The following RNF144B variants were observed in gnomAD, a reference collection of about 807,000 sequenced individuals.
RNF144B encodes the protein ring finger protein 144B.
Under a neutral mutation model 40.2 loss-of-function variants are expected in RNF144B, and 25 were observed. That is an observed-to-expected ratio of 0.62 (90% CI 0.45 to 0.87). RNF144B has a LOEUF of 0.87. RNF144B is among the 40% of genes least tolerant of loss of function. RNF144B has a pLI of 0.00. For synonymous variants in RNF144B, 145 were observed against 136.3 expected, an observed-to-expected ratio of 1.06 and a Z score of -0.44; for missense variants, 365 against 373.7, an observed-to-expected ratio of 0.98 and a Z score of 0.19.
rs886759811 is a variant in RNF144B at position 18,443,508 on chromosome 6, A to T, written c.331+3764A>T. 6.6e-6 allele frequency among the ~76,000 whole-genome samples: 1 copy of T among 151,814 alleles called. No homozygotes were observed. The highest frequency in any genetic ancestry group is 6.6e-5 in the Admixed American group (1 of 15,212). The stretch of plus-strand genomic sequence containing the variant: ...AGTCCTAACCTCAAGTGATCCACCC[A>T]CCTCGGCCTCCCAAAGTTCTGGGAT... On this transcript the variant is annotated intron_variant, in intron 4 of 7. Coordinates refer to ENST00000259939, the MANE Select transcript of RNF144B (RefSeq NM_182757.4). This position sits in a 1 kb window ranked among gnomAD's most constrained non-coding sequence, Gnocchi z 4.7.
chr6:18,389,063 T>C (rs1317991849), intron 1 of RNF144B, among the ~76,000 whole-genome samples: 2 of 152,198 alleles, frequency 1.3e-5, no homozygotes, highest in East Asian at 3.9e-4. Context: ...ACTACTGTGC[T>C]GGAAGTCGGG....
At position 18,457,939 on chromosome 6, in the gene RNF144B, T is replaced by G. The variant is rs1759367562; in HGVS notation, c.536+580T>G. 6.6e-6 allele frequency among the ~76,000 whole-genome samples: 1 copy of G among 151,994 alleles called. No individual in the cohort carries two copies. The highest frequency in any genetic ancestry group is 6.6e-5 in the Admixed American group (1 of 15,260). On this transcript the variant is annotated intron_variant, in intron 5 of 7. Coordinates refer to ENST00000259939, the MANE Select transcript of RNF144B (RefSeq NM_182757.4). The surrounding 1 kb of genome is among the most constrained non-coding windows in gnomAD (Gnocchi z 5.1). ...CTTTTTAGTACAGCGGGTTTTTTTT[T>G]GTTTTGTTTTGTTTTTGAGACAGAG...
intron 2 of RNF144B, among the ~76,000 whole-genome samples, chr6:18,413,312 C>T (rs1795083857): frequency 6.6e-6 from 1 of 152,176 alleles, no homozygotes; most frequent in African/African-American, 2.4e-5. Flanking sequence ...GCAAAATTGA[C>T]AACTGGCTAC....
chr6:18,430,712 G>A (rs773911787), intron 3 of RNF144B, among the ~76,000 whole-genome samples: 32 of 151,188 alleles, frequency 2.1e-4, no homozygotes, highest in Non-Finnish European at 4.0e-4. Flanking sequence ...CTGGGCTCAA[G>A]CAATCCTACT....
intron 2 of RNF144B, among the ~76,000 whole-genome samples, chr6:18,420,368 C>T (rs371255509): frequency 2.8e-4 from 43 of 152,188 alleles, no homozygotes; most frequent in African/African-American, 1.0e-3. Context: ...TTCCAGCTCT[C>T]AGAGAAGCCT....
At position 18,467,526 on chromosome 6, in the gene RNF144B, G is replaced by A. The variant is rs1319236277; in HGVS notation, c.*2459G>A. 1.4e-5 allele frequency: 2 copies of A among 148,102 alleles called. No individual in the cohort carries two copies. The highest frequency in any genetic ancestry group is 3.0e-5 in the Non-Finnish European group (2 of 67,504). The allele number at this position is 148,102 out of a possible 1,614,324, so 9.2% of individuals were successfully genotyped here. A position where few individuals can be genotyped will look rare whatever the true frequency, so the allele number is the denominator to read the frequency against. On this transcript the variant is annotated 3_prime_UTR_variant, in exon 8 of 8. Coordinates refer to ENST00000259939, the MANE Select transcript of RNF144B (RefSeq NM_182757.4). ...TGAAAAATGGTAAATTCTTAAATGTGTGTGAGATTGTCAGAATCAACAAAA... is the reference window on the plus strand; with the variant it reads ...TGAAAAATGGTAAATTCTTAAATGTATGTGAGATTGTCAGAATCAACAAAA...
At position 18,415,794 on chromosome 6, in the gene RNF144B, G is replaced by A. The variant is rs556515681; in HGVS notation, c.166-11787G>A. Among the ~76,000 whole-genome samples, 8 of 151,558 alleles carry A rather than the reference G, an allele frequency of 5.3e-5. No homozygotes were observed. The South Asian group carries it at 1.3e-3, about 24-fold the overall frequency. On this transcript the variant is annotated intron_variant, in intron 2 of 7. Transcript: ENST00000259939. ...TTTTATTCAGGTGACTAGCATAGCC[G>A]TACCTCATGGTTGAAGGGGTTTCTT... is the stretch of plus-strand genomic sequence containing the variant.
At chr6:18,423,380 G>A (rs906023755) in intron 2 of RNF144B, among the ~76,000 whole-genome samples, 2 of 151,966 alleles carry the variant, frequency 1.3e-5, no homozygotes, top group African/African-American at 4.8e-5. Context: ...CTTTAGGTAG[G>A]GCATAATTTA....
chr6:18,464,791 G>A lies in RNF144B; in HGVS notation c.772-136G>A, dbSNP rs751877015. 37 of 817,092 alleles carry A rather than the reference G, an allele frequency of 4.5e-5. No individual in the cohort carries two copies. Among genetic ancestry groups the A allele is most frequent in the African/African-American group, 3.3e-4 (19 of 58,028 alleles). 50.6% of individuals were successfully genotyped at this position (817,092 alleles called of 1,614,324 possible). On this transcript the variant is annotated intron_variant, in intron 7 of 7. Transcript: ENST00000259939. The surrounding 1 kb of genome is among the most constrained non-coding windows in gnomAD (Gnocchi z 6.1). ...CCTCGTCTCCAAATACCGTCACATC[G>A]GGGATTTAGGGTTTCAACATATGAG... is the stretch of plus-strand genomic sequence containing the variant.
At position 18,450,441 on chromosome 6, in the gene RNF144B, G is replaced by A. The variant is rs562655208; in HGVS notation, c.332-6714G>A. On this transcript the variant is annotated intron_variant, in intron 4 of 7. Transcript: ENST00000259939. The surrounding 1 kb of genome is among the most constrained non-coding windows in gnomAD (Gnocchi z 4.7). Reference sequence around the variant, plus strand: ...GCCTCCCGAGTAGCTGGGATTACACGTGTGTGCCACCAGGCCTGGCTAATT... The same window carrying A: ...GCCTCCCGAGTAGCTGGGATTACACATGTGTGCCACCAGGCCTGGCTAATT... 7.9e-5 allele frequency among the ~76,000 whole-genome samples: 12 copies of A among 152,198 alleles called. No individual in the cohort carries two copies. The East Asian group carries it at 1.5e-3, about 20-fold the overall frequency.
intron 1 of RNF144B, among the ~76,000 whole-genome samples, chr6:18,388,293 G>T (rs565369688): frequency 6.6e-6 from 1 of 152,190 alleles, no homozygotes; most frequent in Admixed American, 6.5e-5. Flanking sequence ...CAAAACATTA[G>T]CTCTGAGGTT....
chr6:18,463,139 A>G, intron 6 of RNF144B, 152 bp from the exon 7 acceptor site: 1 of 582,796 alleles, frequency 1.7e-6, no homozygotes. Flanking sequence ...CAAAACTACC[A>G]AGATAAAGAT....
intron 1 of RNF144B, among the ~76,000 whole-genome samples, chr6:18,387,982 A>T (rs546898214): frequency 6.6e-6 from 1 of 152,308 alleles, no homozygotes; most frequent in Non-Finnish European, 1.5e-5. Flanking sequence ...TTTATCAGGT[A>T]ATTGCTAATG....
chr6:18,450,686 G>A lies in RNF144B; in HGVS notation c.332-6469G>A, dbSNP rs1562057226. Among the ~76,000 whole-genome samples, 1 of 152,196 alleles carries A rather than the reference G, an allele frequency of 6.6e-6. No individual in the cohort carries two copies. The highest frequency in any genetic ancestry group is 2.4e-5 in the African/African-American group (1 of 41,444). ...GTCACTGAACTTGGAGTTGGAAAGAGACACAATTGGTTCTCATGAGCTGGC... is the reference window on the plus strand; with the variant it reads ...GTCACTGAACTTGGAGTTGGAAAGAAACACAATTGGTTCTCATGAGCTGGC... On this transcript the variant is annotated intron_variant, in intron 4 of 7. Coordinates refer to ENST00000259939, the MANE Select transcript of RNF144B (RefSeq NM_182757.4). This position sits in a 1 kb window ranked among gnomAD's most constrained non-coding sequence, Gnocchi z 4.7.
intron 2 of RNF144B, among the ~76,000 whole-genome samples, chr6:18,423,008 C>T (rs187558674): frequency 1.3e-5 from 2 of 152,106 alleles, no homozygotes; most frequent in East Asian, 3.9e-4. Flanking sequence ...TCAACAGTAC[C>T]TATTCTCTTA....
intron 2 of RNF144B, among the ~76,000 whole-genome samples, chr6:18,423,304 A>G (rs1429709529): frequency 6.6e-6 from 1 of 152,158 alleles, no homozygotes; most frequent in Non-Finnish European, 1.5e-5. Flanking sequence ...GCTTCAACCT[A>G]CATGGCTGGA....
intron 1 of RNF144B, among the ~76,000 whole-genome samples, chr6:18,394,928 A>G (rs1794664033): frequency 6.6e-6 from 1 of 152,120 alleles, no homozygotes; most frequent in Non-Finnish European, 1.5e-5. Context: ...TTCCTTCCTT[A>G]CATGGCCCAA....
In RNF144B at chr6:18,410,846, T is replaced by G. The variant is rs928323022; in HGVS notation, c.165+11147T>G. On this transcript the variant is annotated intron_variant, in intron 2 of 7. Coordinates refer to ENST00000259939, the MANE Select transcript of RNF144B (RefSeq NM_182757.4). This position sits in a 1 kb window ranked among gnomAD's most constrained non-coding sequence, Gnocchi z 4.6. ...CTGAAGCAGAGCTCGGAGAACAATGTCCTTATCAACTTAGGATACATGTGT... is the reference window on the plus strand; with the variant it reads ...CTGAAGCAGAGCTCGGAGAACAATGGCCTTATCAACTTAGGATACATGTGT... Among the ~76,000 whole-genome samples the G allele has an allele frequency of 6.6e-6, 1 of 152,150 alleles. No individual in the cohort carries two copies. The highest frequency in any genetic ancestry group is 2.4e-5 in the African/African-American group (1 of 41,424).
At chr6:18,420,008 A>G (rs1175132054) in intron 2 of RNF144B, among the ~76,000 whole-genome samples, 1 of 152,160 alleles carries the variant, frequency 6.6e-6, no homozygotes, top group Non-Finnish European at 1.5e-5. Context: ...TGTCAAGAAA[A>G]GAAGAACAGA....
Sources: gnomAD v4.1 joint callset for allele counts (sites outside exome capture counted in the v4.1 genomes callset) on GRCh38, gnomAD v4.1.1 for gene constraint, Gnocchi (gnomAD v3.1) non-coding constraint, MANE v1.5 for transcripts, NCBI Gene and HGNC (gene_info 2026-07-23, HGNC 2026-07-21) for gene names.